SEC63: variants seen among roughly 807,000 people sequenced by gnomAD.
SEC63 encodes SEC63 protein translocation regulator, also known as translocation protein SEC63 homolog.
Under a neutral mutation model 116.2 loss-of-function variants are expected in SEC63, and 56 were observed. The ratio of observed to expected loss-of-function variants is 0.48; its 90% CI spans 0.39 to 0.60. SEC63 has a LOEUF of 0.60. Ranked by LOEUF, SEC63 falls within the 20% of genes least tolerant of loss-of-function variation. The probability of loss-of-function intolerance (pLI) is 0.00; values close to 1 mark genes in which losing one functional copy is unlikely to be tolerated. For missense variants in SEC63, 668 were observed against 900.0 expected (o/e 0.74, Z 3.30); for synonymous variants, 273 against 294.6 (o/e 0.93, Z 0.75).
chr6:107,942,328 C>T (rs577858226), intron 1 of SEC63, among the ~76,000 whole-genome samples: 5 of 152,180 alleles, frequency 3.3e-5, no homozygotes, highest in Non-Finnish European at 7.4e-5. Flanking sequence ...GTATTAAAGC[C>T]GATTTGATTC....
rs763520849 is a variant in SEC63 at position 107,883,159 on chromosome 6, G to C, written c.1675-13C>G. The C allele has an allele frequency of 2.9e-5, 47 of 1,610,682 alleles. No homozygotes were observed. The South Asian group carries it at 4.6e-4, about 16-fold the overall frequency. On this transcript the variant is annotated splice_polypyrimidine_tract_variant and intron_variant, in intron 16 of 20. Coordinates refer to ENST00000369002, the MANE Select transcript of SEC63 (RefSeq NM_007214.5). The stretch of plus-strand genomic sequence containing the variant: ...TTACTGCAGCTTCCTAAAAGGGAAA[G>C]GCAAACACAAAGATTCTGCATATCT...
chr6:107,876,602 T>C lies in SEC63; in HGVS notation c.1996A>G (p.Met666Val). 6.2e-7 allele frequency: 1 copy of C among 1,600,998 alleles called. No individual in the cohort carries two copies. The highest frequency in any genetic ancestry group is 8.5e-7 in the Non-Finnish European group (1 of 1,176,888). The change falls in exon 19 of 21, where the codon ATG (methionine) becomes GTG (valine). Residue 666 changes from methionine (M) to valine (V), a missense_variant. By Grantham distance (21) the Met-to-Val change is conservative. This residue lies in a region of SEC63 where 85 missense variants were observed against 116.3 expected (regional missense o/e 0.73). Transcript: ENST00000369002. ...TTCAGCGTACACACATGATATGGCA[T>C]GGATATTAATGTCTGCTCCTTCCTA... is the stretch of plus-strand genomic sequence containing the variant. Reference protein sequence around the residue: ...ADRKEQTLISMPYHVCTLKDT... With the variant: ...ADRKEQTLISVPYHVCTLKDT...
intron 1 of SEC63, chr6:107,954,482 C>CAAAAAAAAAAAAAAAAAAAATAA (rs4028832): frequency 3.4e-5 from 4 of 116,866 alleles, no homozygotes; most frequent in Non-Finnish European, 6.6e-5. Flanking sequence ...AAAAAAAAAT[C>CAAAAAAAAAAAAAAAAAAAATAA]AAAAAAAAAA....
In SEC63 at chr6:107,870,347, C is replaced by A. The variant is rs1479718819; in HGVS notation, c.*1357G>T. 1 of 152,570 alleles carries A rather than the reference C, an allele frequency of 6.6e-6. No homozygotes were observed. The highest frequency in any genetic ancestry group is 1.5e-5 in the Non-Finnish European group (1 of 68,026). 9.5% of individuals were successfully genotyped at this position (152,570 alleles called of 1,614,324 possible). A position where few individuals can be genotyped will look rare whatever the true frequency, so the allele number is the denominator to read the frequency against. ...TTTCACATTTTATTTCCAACTATTG[C>A]AGTAACAAGATGCCGGTAGTATTCT... On this transcript the variant is annotated 3_prime_UTR_variant, in exon 21 of 21. Coordinates refer to ENST00000369002, the MANE Select transcript of SEC63 (RefSeq NM_007214.5).
intron 16 of SEC63, among the ~76,000 whole-genome samples, chr6:107,886,746 T>C (rs1399596127): frequency 6.6e-6 from 1 of 152,196 alleles, no homozygotes; most frequent in Non-Finnish European, 1.5e-5. Flanking sequence ...CTTTGTAGAT[T>C]CTGGCTATCA....
At chr6:107,914,668 CAAA>C (rs938914109) in intron 4 of SEC63, among the ~76,000 whole-genome samples, 2 of 152,088 alleles carry the variant, frequency 1.3e-5, no homozygotes, top group Admixed American at 6.5e-5. Flanking sequence ...ATTTTCTTTT[CAAA>C]ATTGAGGGAT....
At chr6:107,950,706 G>A (rs1454833300) in intron 1 of SEC63, among the ~76,000 whole-genome samples, 1 of 152,128 alleles carries the variant, frequency 6.6e-6, no homozygotes, top group South Asian at 2.1e-4. Context: ...GTAGGCTGCA[G>A]AGCCACATTT....
chr6:107,942,135 T>C (rs979041289), intron 1 of SEC63, among the ~76,000 whole-genome samples: 1 of 152,220 alleles, frequency 6.6e-6, no homozygotes, highest in African/African-American at 2.4e-5. Context: ...TCTAATTTCT[T>C]GGTATTGTGG....
chr6:107,912,948 A>G (rs1440670061), intron 5 of SEC63, among the ~76,000 whole-genome samples, 174 bp from the exon 6 acceptor site: 3 of 152,228 alleles, frequency 2.0e-5, no homozygotes, highest in African/African-American at 7.2e-5. Flanking sequence ...GTTCAGGGAT[A>G]TAGTTTATAT....
intron 16 of SEC63, among the ~76,000 whole-genome samples, chr6:107,891,330 G>T (rs959169649): frequency 6.6e-6 from 1 of 151,544 alleles, no homozygotes; most frequent in Non-Finnish European, 1.5e-5. Flanking sequence ...TTCAATCTCT[G>T]ATATCCTTTC....
chr6:107,896,159 G>A (rs528883434), intron 14 of SEC63, among the ~76,000 whole-genome samples: 37 of 151,670 alleles, frequency 2.4e-4, no homozygotes, highest in African/African-American at 8.5e-4. Context: ...CAGTGAGACC[G>A]TGTCTCAACA....
chr6:107,921,414 G>A (rs1787552940), intron 4 of SEC63, among the ~76,000 whole-genome samples: 1 of 151,740 alleles, frequency 6.6e-6, no homozygotes, highest in Non-Finnish European at 1.5e-5. Context: ...AAAAGTGTAT[G>A]ACAACTATTT....
intron 1 of SEC63, among the ~76,000 whole-genome samples, chr6:107,948,447 T>G (rs1230584126): frequency 6.6e-6 from 1 of 152,176 alleles, no homozygotes; most frequent in Non-Finnish European, 1.5e-5. Context: ...CATTCCGCAC[T>G]ACCCACCTTC....
At chr6:107,888,521 A>C (rs563978832) in intron 16 of SEC63, among the ~76,000 whole-genome samples, 3 of 152,180 alleles carry the variant, frequency 2.0e-5, no homozygotes, top group Non-Finnish European at 4.4e-5. Context: ...CTAAATATAT[A>C]ATCATGTCAT....
At chr6:107,953,686 G>C (rs529986739) in intron 1 of SEC63, among the ~76,000 whole-genome samples, 1 of 144,952 alleles carries the variant, frequency 6.9e-6, no homozygotes, top group African/African-American at 2.5e-5. Flanking sequence ...CGCCCCGTCC[G>C]GGAGGGAGGT....
chr6:107,926,668 T>C (rs1787683259), intron 2 of SEC63, among the ~76,000 whole-genome samples: 1 of 152,186 alleles, frequency 6.6e-6, no homozygotes, highest in African/African-American at 2.4e-5. Flanking sequence ...CCCCTTTTGT[T>C]TTCCCAACTC....
intron 18 of SEC63, among the ~76,000 whole-genome samples, chr6:107,880,492 T>C (rs920858975): frequency 6.6e-6 from 1 of 152,156 alleles, no homozygotes; most frequent in African/African-American, 2.4e-5. Context: ...ACACAGGCTA[T>C]CAAGGAGATC....
chr6:107,874,333 G>T (rs370370239), intron 19 of SEC63, among the ~76,000 whole-genome samples: 3 of 152,138 alleles, frequency 2.0e-5, no homozygotes, highest in East Asian at 3.9e-4. Flanking sequence ...GGTGGCTCAC[G>T]CCTGTAATCC....
intron 1 of SEC63, among the ~76,000 whole-genome samples, chr6:107,933,501 T>C (rs1003330308): frequency 2.0e-4 from 31 of 152,162 alleles, no homozygotes; most frequent in African/African-American, 6.3e-4. Flanking sequence ...ATCAGTTTTG[T>C]GAAATTCCTG....
Sources: gnomAD v4.1 joint callset for allele counts (sites outside exome capture counted in the v4.1 genomes callset) on GRCh38, gnomAD v4.1.1 for gene constraint, gnomAD v4.1.1 regional missense constraint, MANE v1.5 for transcripts, NCBI Gene and HGNC (gene_info 2026-07-23, HGNC 2026-07-21) for gene names.